Variants in KIFC2 observed in about 807,000 individuals in gnomAD.
The protein encoded by KIFC2 is kinesin-like protein KIFC2.
A neutral mutation model predicts 91.5 loss-of-function variants in KIFC2; 94 were observed. The ratio of observed to expected loss-of-function variants is 1.03; its 90% CI spans 0.87 to 1.22. KIFC2 has a LOEUF of 1.22. Ranked by LOEUF, KIFC2 falls within the 50% of genes most tolerant of loss-of-function variation. The pLI, the probability that KIFC2 is intolerant of heterozygous loss-of-function variation, is 0.00. For synonymous variants in KIFC2, 729 were observed against 503.9 expected (o/e 1.45, Z -5.98); for missense variants, 1,357 against 1,103.3 (o/e 1.23, Z -3.26).
chr8:144,471,760 C>T (rs1431677415), intron 12 of KIFC2, among the ~76,000 whole-genome samples, 182 bp from the exon 13 acceptor site: 1 of 152,148 alleles, frequency 6.6e-6, no homozygotes, highest in Non-Finnish European at 1.5e-5. Context: ...GCAAGCACCA[C>T]CTTCTCTAGG....
intron 1 of KIFC2, 104 bp downstream of exon 1, chr8:144,466,622 C>A: frequency 2.3e-6 from 2 of 861,382 alleles, no homozygotes; most frequent in Admixed American, 4.3e-5. Context: ...GGCGACGGGG[C>A]CGTGCCGAGG....
rs1319874632 is a variant in KIFC2, at chr8:144,469,342, C to T, written c.1185C>T (p.Pro395=). The T allele has an allele frequency of 6.8e-6, 11 of 1,609,150 alleles. No individual in the cohort carries two copies. The highest frequency in any genetic ancestry group is 5.9e-6 in the Non-Finnish European group (7 of 1,178,772). The change falls in exon 11 of 18, where the codon CCC becomes CCT. Residue 395 remains proline, a synonymous_variant. Coordinates refer to ENST00000645548, the MANE Select transcript of KIFC2 (RefSeq NM_001369769.2). ...AGCTCCCTGAGGGGCAGCAAGGGCC[C>T]CCAGCCGGATGCCCAGGGCGGCTGC... ...GTQLPEGQQG[P]PAGCPGRLPE...
intron 1 of KIFC2, 98 bp from the exon 2 acceptor site, chr8:144,466,662 G>A: frequency 1.8e-6 from 2 of 1,103,774 alleles, no homozygotes; most frequent in Non-Finnish European, 2.4e-6. Context: ...TGCTGGAAGC[G>A]TAGACTTCGG....
Position 144,472,466 on chromosome 8 carries a change from C to G in KIFC2, c.1713C>G (p.Asn571Lys), listed in dbSNP as rs778140843. The G allele has an allele frequency of 1.9e-6, 3 of 1,612,058 alleles. No individual in the cohort carries two copies. Among genetic ancestry groups the G allele is most frequent in the Non-Finnish European group, 2.5e-6 (3 of 1,179,502 alleles). ...VAGLTHWDVP[N>K]LETLHQMLKL... ...GCCTCACCCACTGGGACGTGCCCAACCTGGAGACATTGCACCAGGTAGGGC... is the reference window on the plus strand; with the variant it reads ...GCCTCACCCACTGGGACGTGCCCAAGCTGGAGACATTGCACCAGGTAGGGC... The change falls in exon 15 of 18, where the codon AAC (asparagine) becomes AAG (lysine). Residue 571 changes from asparagine (N) to lysine (K), a missense_variant. Physicochemically the swap from Asn to Lys is moderately conservative, Grantham distance 94. Transcript: ENST00000645548.
At chr8:144,471,591 TTTC>T (rs1178310938) in intron 12 of KIFC2, among the ~76,000 whole-genome samples, 3 of 152,120 alleles carry the variant, frequency 2.0e-5, no homozygotes, top group Non-Finnish European at 2.9e-5. Context: ...GGGATTTATT[TTTC>T]TTTTTTTCAC....
Position 144,472,135 on chromosome 8 carries a change from C to T in KIFC2, c.1486-3C>T. 6.2e-7 allele frequency: 1 copy of T among 1,613,252 alleles called. No homozygotes were observed. Among genetic ancestry groups the T allele is most frequent in the East Asian group, 2.2e-5 (1 of 44,864 alleles). On this transcript the variant is annotated splice_polypyrimidine_tract_variant and splice_region_variant and intron_variant, in intron 13 of 17. Transcript: ENST00000645548. ...CCCGGTGTGCACCCCACCCCATCCT[C>T]AGGGCCCTCCTGAGGACCCCGGCAT...
At position 144,473,011 on chromosome 8, in the gene KIFC2, C is replaced by T. The variant is rs775678896; in HGVS notation, c.2078C>T (p.Pro693Leu). 9.9e-6 allele frequency: 14 copies of T among 1,419,620 alleles called. No individual in the cohort carries two copies. The highest frequency in any genetic ancestry group is 1.3e-5 in the Non-Finnish European group (14 of 1,094,298). 87.9% of individuals were successfully genotyped at this position (1,419,620 alleles called of 1,614,324 possible). ...TCGCAGCTCACGCGACTGCTGCAGCCGGCGCTGGGCCCAGGCACCACCGCG... is the reference window on the plus strand; with the variant it reads ...TCGCAGCTCACGCGACTGCTGCAGCTGGCGCTGGGCCCAGGCACCACCGCG... ...RDSQLTRLLQ[P>L]ALGPGTTAVL... The change falls in exon 17 of 18, where the codon CCG becomes CTG. Residue 693 changes from proline to leucine, a missense_variant. By Grantham distance (98) the Pro-to-Leu change is moderately conservative. Coordinates refer to ENST00000645548, the MANE Select transcript of KIFC2 (RefSeq NM_001369769.2).
chr8:144,470,867 T>C (rs970768832), intron 12 of KIFC2, among the ~76,000 whole-genome samples: 23 of 152,196 alleles, frequency 1.5e-4, no homozygotes, highest in African/African-American at 4.3e-4. Context: ...GCAGCCCTTA[T>C]CTCTCAGGGG....
chr8:144,467,660 C>A (rs199706266), intron 5 of KIFC2, 30 bp downstream of exon 5: 3 of 1,604,936 alleles, frequency 1.9e-6, no homozygotes, highest in Admixed American at 3.4e-5. Context: ...AAGGGATTGC[C>A]GGCTGGGACG....
chr8:144,471,901 ACG>A (rs762338784), intron 12 of KIFC2, 39 bp from the exon 13 acceptor site: 1 of 1,580,500 alleles, frequency 6.3e-7, no homozygotes, highest in Non-Finnish European at 8.7e-7. Context: ...TAAACAGGCA[ACG>A]TGGGGAGGAC....
In KIFC2 at chr8:144,468,341, G is replaced by C; in HGVS notation, c.823G>C (p.Ala275Pro). 6.2e-7 allele frequency: 1 copy of C among 1,612,146 alleles called. No homozygotes were observed. Among genetic ancestry groups the C allele is most frequent in the South Asian group, 1.1e-5 (1 of 90,820 alleles). Residue 275 changes from alanine (A) to proline (P), a missense_variant, in exon 8 of 18, where the codon GCA (alanine) becomes CCA (proline). Transcript: ENST00000645548. Reference sequence around the variant, plus strand: ...CACCCTCCCGCAGGAGGAGGCAGAGGCATTGCTAGAGCTCCAGGGCCGGCT... The same window carrying C: ...CACCCTCCCGCAGGAGGAGGCAGAGCCATTGCTAGAGCTCCAGGGCCGGCT... ...PIRAPQEEAE[A>P]LLELQGRLQE...
chr8:144,468,932 G>A, intron 10 of KIFC2, 98 bp downstream of exon 10: 1 of 991,502 alleles, frequency 1.0e-6, no homozygotes, highest in Non-Finnish European at 1.5e-6. Flanking sequence ...ACTAATAAGT[G>A]GGGCTCTGGA....
chr8:144,467,093 C>T lies in KIFC2; in HGVS notation c.313C>T (p.Pro105Ser), dbSNP rs905027580. 1.9e-5 allele frequency: 30 copies of T among 1,599,342 alleles called. No homozygotes were observed. In the African/African-American group the frequency reaches 3.2e-4, roughly 17 times the overall value. Reference protein sequence around the residue: ...QLGAEESCGGPADLGQSGEVP... With the variant: ...QLGAEESCGGSADLGQSGEVP... ...GGGGGCGGAAGAGAGCTGCGGGGGCCCGGCGGACCTGGGCCAGGTGAGCGC... is the reference window on the plus strand; with the variant it reads ...GGGGGCGGAAGAGAGCTGCGGGGGCTCGGCGGACCTGGGCCAGGTGAGCGC... Residue 105 changes from proline (P) to serine (S), a missense_variant, in exon 3 of 18, where the codon CCG becomes TCG. Coordinates refer to ENST00000645548, the MANE Select transcript of KIFC2 (RefSeq NM_001369769.2).
rs764686161 is a variant in KIFC2 at position 144,473,461 on chromosome 8, G to T, written c.*72G>T. ...TGGCAGAGGCGGTAGTAAAGTCCCT[G>T]TACCCCGTCTCCCAGGGCACAAGCT... On this transcript the variant is annotated 3_prime_UTR_variant, in exon 18 of 18. Coordinates refer to ENST00000645548, the MANE Select transcript of KIFC2 (RefSeq NM_001369769.2). 1 of 1,478,454 alleles carries T rather than the reference G, an allele frequency of 6.8e-7. No individual in the cohort carries two copies. Among genetic ancestry groups the T allele is most frequent in the Non-Finnish European group, 8.9e-7 (1 of 1,117,440 alleles). The allele number at this position is 1,478,454 out of a possible 1,614,324, so 91.6% of individuals were successfully genotyped here.
In KIFC2 at chr8:144,469,498, C is replaced by T. The variant is rs758939579; in HGVS notation, c.1231C>T (p.Arg411Cys). ...GRLPELKGNIRVLCRLRPGTS... is the reference protein window; with the variant it reads ...GRLPELKGNICVLCRLRPGTS... Reference sequence around the variant, plus strand: ...CCTGATCCCCACTGCAGGAAATATCCGTGTGCTGTGTCGGCTGAGGCCAGG... The same window carrying T: ...CCTGATCCCCACTGCAGGAAATATCTGTGTGCTGTGTCGGCTGAGGCCAGG... The change falls in exon 12 of 18, where the codon CGT (arginine) becomes TGT (cysteine). Residue 411 changes from arginine to cysteine, a missense_variant. Arg to Cys is a radical substitution (Grantham distance 180). Coordinates refer to ENST00000645548, the MANE Select transcript of KIFC2 (RefSeq NM_001369769.2). 5.6e-6 allele frequency: 9 copies of T among 1,613,998 alleles called. No homozygotes were observed. Among genetic ancestry groups the T allele is most frequent in the South Asian group, 1.1e-5 (1 of 91,088 alleles).
chr8:144,468,921 T>A, intron 10 of KIFC2, 87 bp downstream of exon 10: 1 of 1,107,570 alleles, frequency 9.0e-7, no homozygotes, highest in Non-Finnish European at 1.3e-6. Context: ...GAGTTGGCTG[T>A]ACTAATAAGT....
chr8:144,473,363 G>A lies in KIFC2; in HGVS notation c.2350G>A (p.Ala784Thr). 1 of 1,577,016 alleles carries A rather than the reference G, an allele frequency of 6.3e-7. No homozygotes were observed. Among genetic ancestry groups the A allele is most frequent in the Non-Finnish European group, 8.6e-7 (1 of 1,165,484 alleles). ...CGACAACGGCTCGGGCTCGGCTCTC[G>A]CGCCCGCAGAGGGCCTGCCCCTCTA... ...SPDNGSGSAL[A>T]PAEGLPL The change falls in exon 18 of 18, where the codon GCG (alanine) becomes ACG (threonine). Residue 784 changes from alanine to threonine, a missense_variant. Ala to Thr is a moderately conservative substitution (Grantham distance 58, BLOSUM62 0). Transcript: ENST00000645548.
In KIFC2 at chr8:144,474,170, G is replaced by T; in HGVS notation, c.*781G>T. On this transcript the variant is annotated 3_prime_UTR_variant, in exon 18 of 18. Transcript: ENST00000645548. ...TGCTGTGGTCGCAGACAGCCGCCTC[G>T]CCTTGGCTCCCTGTCAACAAGGTGG... The T allele has an allele frequency of 3.1e-6, 4 of 1,274,118 alleles. No homozygotes were observed. The highest frequency in any genetic ancestry group is 4.3e-6 in the Non-Finnish European group (4 of 931,892). 78.9% of individuals were successfully genotyped at this position (1,274,118 alleles called of 1,614,324 possible). A position where few individuals can be genotyped will look rare whatever the true frequency, so the allele number is the denominator to read the frequency against.
chr8:144,472,536 G>A, intron 15 of KIFC2, 41 bp from the exon 16 acceptor site: 2 of 1,611,886 alleles, frequency 1.2e-6, no homozygotes, highest in Non-Finnish European at 1.7e-6. Context: ...ACTTGGGGGC[G>A]GGGACCCTGC....
Sources: allele counts gnomAD v4.1 joint callset (sites outside exome capture counted in the v4.1 genomes callset), GRCh38; gene constraint gnomAD v4.1.1; transcripts MANE v1.5; gene names NCBI Gene and HGNC (gene_info 2026-07-23, HGNC 2026-07-21).